NME8: variants seen among roughly 807,000 people sequenced by gnomAD.
NME8 encodes the protein NME/NM23 family member 8.
NME8 carries 72 observed loss-of-function variants against 82.3 expected under a neutral mutation model. That is an observed-to-expected ratio of 0.87 (90% CI 0.72 to 1.06). The LOEUF (loss-of-function observed/expected upper bound fraction) is 1.06. NME8 is among the 50% of genes least tolerant of loss of function. The probability of loss-of-function intolerance (pLI) is 0.00; values close to 1 mark genes in which losing one functional copy is unlikely to be tolerated. For missense variants in NME8, 712 were observed against 685.4 expected (o/e 1.04, Z -0.43); for synonymous variants, 267 against 228.5 (o/e 1.17, Z -1.52).
chr7:37,853,416 G>A (rs1784463767), intron 5 of NME8, among the ~76,000 whole-genome samples: 1 of 152,132 alleles, frequency 6.6e-6, no homozygotes, highest in African/African-American at 2.4e-5. Context: ...GAAAAATCAA[G>A]TTAGAAGACC....
In NME8 at chr7:37,860,788, A is replaced by G. The variant is rs543515148; in HGVS notation, c.271-1240A>G. ...ATGCATCTCACAGCAAACTCATTCA[A>G]TACCAGATCTTCCTCCCCACAAAAC... is the stretch of plus-strand genomic sequence containing the variant. On this transcript the variant is annotated intron_variant, in intron 6 of 17. Transcript: ENST00000199447. 3.3e-5 allele frequency among the ~76,000 whole-genome samples: 5 copies of G among 152,294 alleles called. No individual in the cohort carries two copies. In the South Asian group the frequency reaches 6.2e-4, roughly 19 times the overall value.
chr7:37,850,479 G>A lies in NME8; in HGVS notation c.91+44G>A, dbSNP rs2722371. 0.25 allele frequency: 394,460 copies of A among 1,606,318 alleles called. 50,136 individuals are homozygous for A. The highest frequency in any genetic ancestry group is 0.37 in the African/African-American group (27,533 of 74,798). ...TGTCTGGCCACCTGGGGTTTGACCC[G>A]GAGCTCCTCCTGGCACCCTGTCCCT... On this transcript the variant is annotated intron_variant, in intron 4 of 17. Coordinates refer to ENST00000199447, the MANE Select transcript of NME8 (RefSeq NM_016616.5).
chr7:37,888,484 T>C lies in NME8; in HGVS notation c.1399+56T>C, dbSNP rs1049928418. ...ACATTTTCTCCAAATTTTGTGAACA[T>C]TTAAAAAATTTACAATCAGAAAAGC... On this transcript the variant is annotated intron_variant, in intron 15 of 17. Coordinates refer to ENST00000199447, the MANE Select transcript of NME8 (RefSeq NM_016616.5). 7.9e-6 allele frequency: 12 copies of C among 1,526,824 alleles called. No individual in the cohort carries two copies. The African/African-American group carries it at 1.7e-4, about 21-fold the overall frequency. The allele number at this position is 1,526,824 out of a possible 1,614,324, so 94.6% of individuals were successfully genotyped here.
At chr7:37,895,747 G>A (rs188980971) in intron 16 of NME8, among the ~76,000 whole-genome samples, 19 of 152,164 alleles carry the variant, frequency 1.2e-4, no homozygotes, top group Middle Eastern at 3.4e-3. Flanking sequence ...TAGTGACATC[G>A]TGATCATTGT....
rs186068152 is a variant in NME8, at chr7:37,896,926, G to T, written c.1601G>T (p.Arg534Leu). 2 of 1,613,848 alleles carry T rather than the reference G, an allele frequency of 1.2e-6. No individual in the cohort carries two copies. Among genetic ancestry groups the T allele is most frequent in the East Asian group, 4.5e-5 (2 of 44,856 alleles). ...TKWNAVAEWR[R>L]LMGPTDPEEA... ...TGGAATGCTGTTGCAGAATGGAGAC[G>T]ATTGATGGGCCCAACAGACCCAGAA... The change falls in exon 17 of 18, where the codon CGA becomes CTA. Residue 534 changes from arginine (R) to leucine (L), a missense_variant. Physicochemically the swap from Arg to Leu is moderately radical, Grantham distance 102. Transcript: ENST00000199447.
chr7:37,860,886 G>A (rs1205740462), intron 6 of NME8, among the ~76,000 whole-genome samples: 1 of 152,206 alleles, frequency 6.6e-6, no homozygotes, highest in African/African-American at 2.4e-5. Context: ...TTTCAAGTGA[G>A]AAACAGAAGA....
intron 6 of NME8, among the ~76,000 whole-genome samples, chr7:37,861,199 G>A (rs988766641): frequency 6.6e-6 from 1 of 152,116 alleles, no homozygotes; most frequent in Non-Finnish European, 1.5e-5. Context: ...TGAATCCCTG[G>A]CCCACCAGGC....
At position 37,864,363 on chromosome 7, in the gene NME8, T is replaced by A; in HGVS notation, c.470T>A (p.Ile157Asn). ...TTTTTTCCAGAGGAATTATACAGTA[T>A]TGCTATTATCAAACCGGATGCTGTG... ...PCESVQELYS[I>N]AIIKPDAVIS... is the part of the protein sequence containing the mutation. The change falls in exon 9 of 18, where the codon ATT becomes AAT. Residue 157 changes from isoleucine to asparagine, a missense_variant. Ile to Asn is a moderately radical substitution (Grantham distance 149, BLOSUM62 -3). Coordinates refer to ENST00000199447, the MANE Select transcript of NME8 (RefSeq NM_016616.5). 6.3e-7 allele frequency: 1 copy of A among 1,592,892 alleles called. No individual in the cohort carries two copies.
At chr7:37,890,240 C>G (rs1250840926) in intron 15 of NME8, among the ~76,000 whole-genome samples, 3 of 151,840 alleles carry the variant, frequency 2.0e-5, no homozygotes, top group African/African-American at 7.3e-5. Flanking sequence ...TCATGGCTTT[C>G]TCTCAAAATA....
At chr7:37,849,881 A>AC (rs1270644064) in intron 2 of NME8, among the ~76,000 whole-genome samples, 275 of 82,370 alleles carry the variant, frequency 3.3e-3, no homozygotes, top group African/African-American at 0.012. Context: ...AAAAAAAAAA[A>AC]AAAAAAAAAG....
At chr7:37,886,590 A>G (rs993390615) in intron 14 of NME8, among the ~76,000 whole-genome samples, 2 of 152,160 alleles carry the variant, frequency 1.3e-5, no homozygotes, top group Non-Finnish European at 2.9e-5. Context: ...GAAGCACAGC[A>G]ACCCCTCGTT....
At chr7:37,899,151 A>T (rs1429024441) in intron 17 of NME8, among the ~76,000 whole-genome samples, 3 of 152,220 alleles carry the variant, frequency 2.0e-5, no homozygotes, top group Non-Finnish European at 4.4e-5. Context: ...CTGGAACCAG[A>T]AATACCATTT....
At chr7:37,884,149 T>C (rs2131967016) in intron 12 of NME8, among the ~76,000 whole-genome samples, 154 bp from the exon 13 acceptor site, 1 of 152,304 alleles carries the variant, frequency 6.6e-6, no homozygotes, top group Middle Eastern at 3.4e-3. Context: ...ACTATTCACC[T>C]TAAATTAAAA....
chr7:37,862,705 G>C (rs1784614980), intron 7 of NME8, among the ~76,000 whole-genome samples: 1 of 151,932 alleles, frequency 6.6e-6, no homozygotes, highest in African/African-American at 2.4e-5. Context: ...TAATGGTTAA[G>C]AACAGATCTT....
chr7:37,881,883 T>C (rs1351288844), intron 12 of NME8, among the ~76,000 whole-genome samples: 1 of 152,328 alleles, frequency 6.6e-6, no homozygotes, highest in Middle Eastern at 3.4e-3. Context: ...TGAGTTTTGG[T>C]ATTTAATATT....
Position 37,894,664 on chromosome 7 carries a change from T to C in NME8, c.1544+54T>C, listed in dbSNP as rs1404259127. ...TTATAAAAGTGGTAAATGTTCATTA[T>C]AGAAACTTTGAAAAATGCAAAAATT... On this transcript the variant is annotated intron_variant, in intron 16 of 17. Transcript: ENST00000199447. 9.5e-6 allele frequency: 14 copies of C among 1,470,032 alleles called. No individual in the cohort carries two copies. In the Admixed American group the frequency reaches 2.2e-4, roughly 23 times the overall value. 91.1% of individuals were successfully genotyped at this position (1,470,032 alleles called of 1,614,324 possible).
At chr7:37,882,457 A>T (rs1267602325) in intron 12 of NME8, among the ~76,000 whole-genome samples, 1 of 151,748 alleles carries the variant, frequency 6.6e-6, no homozygotes, top group Non-Finnish European at 1.5e-5. Context: ...ACTGCACCCC[A>T]GCCTGGGCGA....
At chr7:37,867,538 C>T (rs934156145) in intron 10 of NME8, among the ~76,000 whole-genome samples, 164 bp from the exon 11 acceptor site, 6 of 151,878 alleles carry the variant, frequency 4.0e-5, no homozygotes, top group African/African-American at 1.5e-4. Context: ...ATAAAAACCC[C>T]CAAACAATAA....
At chr7:37,874,265 T>C (rs1784814841) in intron 11 of NME8, among the ~76,000 whole-genome samples, 1 of 152,168 alleles carries the variant, frequency 6.6e-6, no homozygotes, top group African/African-American at 2.4e-5. Flanking sequence ...TAACAGCTGA[T>C]GAAGGACTCT....
Sources: allele counts gnomAD v4.1 joint callset (sites outside exome capture counted in the v4.1 genomes callset), GRCh38; gene constraint gnomAD v4.1.1; transcripts MANE v1.5; gene names NCBI Gene and HGNC (gene_info 2026-07-23, HGNC 2026-07-21).